CEP95: variants seen among roughly 807,000 people sequenced by gnomAD.
CEP95 encodes centrosomal protein of 95 kDa.
CEP95 carries 98 observed loss-of-function variants against 111.2 expected under a neutral mutation model. The ratio of observed to expected loss-of-function variants is 0.88; its 90% CI spans 0.75 to 1.04. The LOEUF (loss-of-function observed/expected upper bound fraction) is 1.04, where lower values mean the gene tolerates loss of function less well. Among genes scored for constraint, CEP95 ranks in the 50% least tolerant of loss-of-function variants. CEP95 has a pLI of 0.00. For synonymous variants in CEP95, 323 were observed against 327.1 expected, an observed-to-expected ratio of 0.99 and a Z score of 0.14; for missense variants, 1,027 against 977.2, an observed-to-expected ratio of 1.05 and a Z score of -0.68.
At chr17:64,508,244 A>T (rs2038682780) in intron 1 of CEP95, 7 of 985,376 alleles carry the variant, frequency 7.1e-6, no homozygotes, top group Non-Finnish European at 8.4e-6. Flanking sequence ...GTTGTTTATG[A>T]CATAATATTC....
intron 11 of CEP95, 99 bp downstream of exon 11, chr17:64,527,363 G>GAGAAATATA: frequency 1.1e-6 from 1 of 906,050 alleles, no homozygotes. Context: ...TTAAATAGTT[G>GAGAAATATA]AGAAATATAT....
chr17:64,514,143 G>T, intron 3 of CEP95, 105 bp from the exon 4 acceptor site: 1 of 537,768 alleles, frequency 1.9e-6, no homozygotes, highest in African/African-American at 1.9e-5. Context: ...TGTATCGCCT[G>T]TATTCTTAAA....
At chr17:64,516,371 G>A (rs2039145045) in intron 4 of CEP95, among the ~76,000 whole-genome samples, 1 of 152,136 alleles carries the variant, frequency 6.6e-6, no homozygotes, top group Admixed American at 6.5e-5. Flanking sequence ...CTTGGAGCTT[G>A]CATTATGTTG....
At chr17:64,518,809 T>C (rs1967083870) in intron 5 of CEP95, among the ~76,000 whole-genome samples, 1 of 152,082 alleles carries the variant, frequency 6.6e-6, no homozygotes, top group African/African-American at 2.4e-5. Flanking sequence ...GCCTCCAAAG[T>C]AGCTGGGATT....
chr17:64,525,125 G>A (rs527838869), intron 8 of CEP95, among the ~76,000 whole-genome samples: 2 of 152,090 alleles, frequency 1.3e-5, no homozygotes, highest in East Asian at 3.9e-4. Flanking sequence ...TGGATCACTC[G>A]AGGTCAGGAG....
At chr17:64,507,544 GA>G in intron 1 of CEP95, 1 of 1,077,120 alleles carries the variant, frequency 9.3e-7, no homozygotes, top group East Asian at 7.9e-5. Context: ...CAGAATAGTA[GA>G]ATATGCCCCT....
chr17:64,507,291 T>C, intron 1 of CEP95, 175 bp downstream of exon 1: 3 of 1,467,654 alleles, frequency 2.0e-6, no homozygotes, highest in South Asian at 2.8e-5. Context: ...CCTCTTCGCT[T>C]CGAGGCCGTG....
chr17:64,526,371 T>C lies in CEP95; in HGVS notation c.1152+171T>C, dbSNP rs1315765336. Among the ~76,000 whole-genome samples, 4 of 152,228 alleles carry C rather than the reference T, an allele frequency of 2.6e-5. No individual in the cohort carries two copies. In the East Asian group the frequency reaches 7.7e-4, roughly 29 times the overall value. On this transcript the variant is annotated intron_variant, in intron 10 of 19. Coordinates refer to ENST00000556440, the MANE Select transcript of CEP95 (RefSeq NM_138363.3). ...GAACAGGAAGTGATCTCTCAGCGTT[T>C]CATGATCTAACTAAATTTGGTGCAG...
At chr17:64,525,353 G>A (rs1489320553) in intron 8 of CEP95, among the ~76,000 whole-genome samples, 2 of 151,974 alleles carry the variant, frequency 1.3e-5, no homozygotes, top group Non-Finnish European at 2.9e-5. Flanking sequence ...AAATGTTAAG[G>A]GTTTATATTC....
Position 64,526,131 on chromosome 17 carries a change from G to C in CEP95, c.1083G>C (p.Lys361Asn). The change falls in exon 10 of 20, where the codon AAG becomes AAC. Residue 361 changes from lysine (K) to asparagine (N), a missense_variant. Coordinates refer to ENST00000556440, the MANE Select transcript of CEP95 (RefSeq NM_138363.3). The part of the protein sequence containing the change: ...CNSPFPQRPR[K>N]RLTEQELHDV... Reference sequence around the variant, plus strand: ...CACCTTTCCCCCAGAGGCCAAGAAAGAGATTAACAGAACAAGAATTACATG... The same window carrying C: ...CACCTTTCCCCCAGAGGCCAAGAAACAGATTAACAGAACAAGAATTACATG... 1 of 1,613,770 alleles carries C rather than the reference G, an allele frequency of 6.2e-7. No individual in the cohort carries two copies. The highest frequency in any genetic ancestry group is 1.6e-4 in the Middle Eastern group (1 of 6,062).
intron 2 of CEP95, among the ~76,000 whole-genome samples, chr17:64,509,014 A>ATCAC (rs1555673961): frequency 3.3e-5 from 5 of 152,158 alleles, no homozygotes; most frequent in Non-Finnish European, 1.5e-5. Flanking sequence ...GCTCCTGATA[A>ATCAC]TCACGGCTTA....
rs371935148 is a variant in CEP95 at position 64,527,140 on chromosome 17, T to G, written c.1182T>G (p.Ile394Met). 42 of 1,613,132 alleles carry G rather than the reference T, an allele frequency of 2.6e-5. No individual in the cohort carries two copies. The African/African-American group carries it at 5.3e-4, about 21-fold the overall frequency. The change falls in exon 11 of 20, where the codon ATT (isoleucine) becomes ATG (methionine). Residue 394 changes from isoleucine to methionine, a missense_variant. Physicochemically the swap from Ile to Met is conservative, Grantham distance 10. Coordinates refer to ENST00000556440, the MANE Select transcript of CEP95 (RefSeq NM_138363.3). ...WMLKSALGDR[I>M]KEKTDHKEEN... ...TAAAAAGTGCTCTGGGTGATCGGAT[T>G]AAAGAAAAGACTGACCATAAAGAAG...
Position 64,533,153 on chromosome 17 carries a change from A to G in CEP95, c.1879A>G (p.Thr627Ala), listed in dbSNP as rs1555680777. ...EALRRHDLLT[T>A]LVKKEYEHNK... Reference sequence around the variant, plus strand: ...CCTAAGAAGGCATGACCTCCTTACTACCCTTGTCAAGAAAGAATATGAACA... The same window carrying G: ...CCTAAGAAGGCATGACCTCCTTACTGCCCTTGTCAAGAAAGAATATGAACA... Residue 627 changes from threonine (T) to alanine (A), a missense_variant, in exon 16 of 20, where the codon ACC becomes GCC. Thr to Ala is a moderately conservative substitution (Grantham distance 58). Coordinates refer to ENST00000556440, the MANE Select transcript of CEP95 (RefSeq NM_138363.3). 2.5e-6 allele frequency: 4 copies of G among 1,593,164 alleles called. No homozygotes were observed. The highest frequency in any genetic ancestry group is 2.6e-6 in the Non-Finnish European group (3 of 1,174,986).
At position 64,514,378 on chromosome 17, in the gene CEP95, T is replaced by G. The variant is rs1555675912; in HGVS notation, c.367+20T>G. On this transcript the variant is annotated intron_variant, in intron 4 of 19. Coordinates refer to ENST00000556440, the MANE Select transcript of CEP95 (RefSeq NM_138363.3). ...AGAAAAGTAAGTTTAAGAATGGAAA[T>G]TTGGTTTGGTTTACCTTTTATGATG... 5 of 1,170,524 alleles carry G rather than the reference T, an allele frequency of 4.3e-6. No individual in the cohort carries two copies. Among genetic ancestry groups the G allele is most frequent in the Admixed American group, 2.0e-5 (1 of 49,498 alleles). 72.5% of individuals were successfully genotyped at this position (1,170,524 alleles called of 1,614,324 possible).
intron 6 of CEP95, among the ~76,000 whole-genome samples, 161 bp downstream of exon 6, chr17:64,519,597 T>C (rs1053703957): frequency 6.6e-6 from 1 of 152,208 alleles, no homozygotes; most frequent in African/African-American, 2.4e-5. Context: ...TGAACACTTA[T>C]CTGAAGTCGC....
At chr17:64,508,127 A>G (rs1406875964) in intron 1 of CEP95, 2 of 985,464 alleles carry the variant, frequency 2.0e-6, no homozygotes. Context: ...CACCAGAGAA[A>G]CCCTGACTTG....
intron 3 of CEP95, among the ~76,000 whole-genome samples, chr17:64,511,745 G>C (rs1196579666): frequency 1.3e-5 from 2 of 152,236 alleles, no homozygotes; most frequent in African/African-American, 4.8e-5. Context: ...ATTGATTGGG[G>C]AAGTGATAAG....
At chr17:64,537,135 A>G (rs565372878) in intron 19 of CEP95, 23 bp downstream of exon 19, 2 of 1,606,348 alleles carry the variant, frequency 1.2e-6, no homozygotes, top group Non-Finnish European at 1.7e-6. Flanking sequence ...ATAGAAGCCA[A>G]GTCATGCACT....
rs2038713196 is a variant in CEP95 at position 64,508,611 on chromosome 17, T to A, written c.39T>A (p.Asn13Lys). The change falls in exon 2 of 20, where the codon AAT (asparagine) becomes AAA (lysine). Residue 13 changes from asparagine (N) to lysine (K), a missense_variant. Coordinates refer to ENST00000556440, the MANE Select transcript of CEP95 (RefSeq NM_138363.3). The stretch of plus-strand genomic sequence containing the variant: ...CAACAGAGTGGGTAACCATTGCCAA[T>A]AACCTTCTTTTTAAGTGTCATATAC... ...GSDAEWVTIA[N>K]NLLFKCHIHL... 5.6e-6 allele frequency: 8 copies of A among 1,423,790 alleles called. No individual in the cohort carries two copies. The East Asian group carries it at 2.2e-4, about 39-fold the overall frequency. 88.2% of individuals were successfully genotyped at this position (1,423,790 alleles called of 1,614,324 possible).
Sources: gnomAD v4.1 joint callset for allele counts (sites outside exome capture counted in the v4.1 genomes callset) on GRCh38, gnomAD v4.1.1 for gene constraint, MANE v1.5 for transcripts, NCBI Gene and HGNC (gene_info 2026-07-23, HGNC 2026-07-21) for gene names.